Variants in DNAJB11 observed in about 807,000 individuals in gnomAD.
The protein encoded by DNAJB11 is dnaJ homolog subfamily B member 11.
DNAJB11 carries 30 observed loss-of-function variants against 47.2 expected under a neutral mutation model. That is an observed-to-expected ratio of 0.64 (90% CI 0.48 to 0.86). The LOEUF (loss-of-function observed/expected upper bound fraction) is 0.86, where lower values mean the gene tolerates loss of function less well. DNAJB11 is among the 40% of genes least tolerant of loss of function. The probability of loss-of-function intolerance (pLI) is 0.00; values close to 1 mark genes in which losing one functional copy is unlikely to be tolerated. For synonymous variants in DNAJB11, 151 were observed against 159.9 expected, an observed-to-expected ratio of 0.94 and a Z score of 0.42; for missense variants, 357 against 440.2, an observed-to-expected ratio of 0.81 and a Z score of 1.69.
intron 9 of DNAJB11, 48 bp downstream of exon 9, chr3:186,584,637 G>T (rs779010961): frequency 2.7e-6 from 2 of 744,402 alleles, no homozygotes; most frequent in Non-Finnish European, 3.8e-6. Context: ...GTGTGTGTAT[G>T]TGTGTGTGTG....
Position 186,581,388 on chromosome 3 carries a change from T to C in DNAJB11, c.474T>C (p.Pro158=), listed in dbSNP as rs1259996548. The C allele has an allele frequency of 6.2e-7, 1 of 1,613,892 alleles. No homozygotes were observed. Among genetic ancestry groups the C allele is most frequent in the South Asian group, 1.1e-5 (1 of 91,080 alleles). ...CTTCCTAGGTAGTTAGAAACAAACC[T>C]GTGGCAAGGCAGGCTCCTGGCAAAC... ...GNFVEVVRNK[P]VARQAPGKRK... is the part of the protein sequence containing the mutation. The change falls in exon 5 of 10, where the codon CCT becomes CCC. Residue 158 remains proline (P), a synonymous_variant. Coordinates refer to ENST00000265028, the MANE Select transcript of DNAJB11 (RefSeq NM_016306.6).
intron 4 of DNAJB11, chr3:186,579,806 G>GC (rs1348025688): frequency 6.6e-6 from 1 of 152,210 alleles, no homozygotes; most frequent in African/African-American, 2.4e-5. Context: ...GTTCAAAACA[G>GC]CCCTCTATCT....
chr3:186,571,058 C>T (rs923768347), intron 1 of DNAJB11, 93 bp downstream of exon 1: 6 of 1,140,414 alleles, frequency 5.3e-6, no homozygotes, highest in Non-Finnish European at 7.4e-6. Context: ...GCCAGACTGA[C>T]GGAGTGGAGA....
At chr3:186,580,967 C>G (rs985033047) in intron 4 of DNAJB11, 1 of 154,370 alleles carries the variant, frequency 6.5e-6, no homozygotes, top group Admixed American at 6.5e-5. Context: ...TAGCCACATA[C>G]CAGGTTTTGA....
intron 7 of DNAJB11, among the ~76,000 whole-genome samples, chr3:186,583,295 G>A (rs1463177130): frequency 6.6e-6 from 1 of 152,150 alleles, no homozygotes; most frequent in South Asian, 2.1e-4. Context: ...TCAAAACAGG[G>A]TTCCCACCAG....
At chr3:186,571,095 G>A (rs184133456) in intron 1 of DNAJB11, 130 bp downstream of exon 1, 3 of 814,218 alleles carry the variant, frequency 3.7e-6, no homozygotes, top group Non-Finnish European at 5.7e-6. Context: ...TTGGCGGGGT[G>A]GCGGAGGAAG....
chr3:186,574,696 T>C (rs1715205042), intron 2 of DNAJB11, among the ~76,000 whole-genome samples: 1 of 152,200 alleles, frequency 6.6e-6, no homozygotes, highest in African/African-American at 2.4e-5. Context: ...ATATCTTAAA[T>C]GTTAATACAT....
chr3:186,573,246 C>A (rs535029488), intron 2 of DNAJB11, among the ~76,000 whole-genome samples: 1 of 152,000 alleles, frequency 6.6e-6, no homozygotes, highest in African/African-American at 2.4e-5. Context: ...AAGACACAAA[C>A]CTTGAAAGGA....
chr3:186,584,544 G>C lies in DNAJB11; in HGVS notation c.967G>C (p.Asp323His). Residue 323 changes from aspartate to histidine, a missense_variant, in exon 9 of 10, where the codon GAT (aspartate) becomes CAT (histidine). Asp to His is a moderately conservative substitution (Grantham distance 81). Coordinates refer to ENST00000265028, the MANE Select transcript of DNAJB11 (RefSeq NM_016306.6). ...NIKGSLIITF[D>H]VDFPKEQLTE... ...CAAGGGCTCTTTGATAATCACTTTT[G>C]ATGTGGATTTTCCAAAAGAACAGTT... 6.3e-7 allele frequency: 1 copy of C among 1,597,836 alleles called. No individual in the cohort carries two copies. Among genetic ancestry groups the C allele is most frequent in the Non-Finnish European group, 8.5e-7 (1 of 1,175,126 alleles).
At chr3:186,572,454 G>A (rs143950149) in intron 2 of DNAJB11, among the ~76,000 whole-genome samples, 3,800 of 152,206 alleles carry the variant, frequency 0.025, 69 homozygotes, top group Middle Eastern at 0.088. Context: ...CAGTTCTCCC[G>A]CCTCAGCCTC....
rs773267671 is a variant in DNAJB11, at chr3:186,583,908, G to A, written c.784G>A (p.Val262Met). 1 of 1,613,828 alleles carries A rather than the reference G, an allele frequency of 6.2e-7. No homozygotes were observed. Among genetic ancestry groups the A allele is most frequent in the Non-Finnish European group, 8.5e-7 (1 of 1,179,746 alleles). ...GAGAGGAGATGATTTGTACACAAAT[G>A]TGACAATCTCATTAGTTGAGTCACT... Reference protein sequence around the residue: ...ERRGDDLYTNVTISLVESLVG... With the variant: ...ERRGDDLYTNMTISLVESLVG... Residue 262 changes from valine to methionine, a missense_variant, in exon 8 of 10, where the codon GTG becomes ATG. Physicochemically the swap from Val to Met is conservative, Grantham distance 21 (BLOSUM62 1). Transcript: ENST00000265028.
At position 186,581,504 on chromosome 3, in the gene DNAJB11, C is replaced by T; in HGVS notation, c.590C>T (p.Pro197Leu). 1 of 1,611,390 alleles carries T rather than the reference C, an allele frequency of 6.2e-7. No homozygotes were observed. The highest frequency in any genetic ancestry group is 1.7e-4 in the Middle Eastern group (1 of 6,056). Reference protein sequence around the residue: ...MTQEVVCDECPNVKLVNEERT... With the variant: ...MTQEVVCDECLNVKLVNEERT... Reference sequence around the variant, plus strand: ...CAGGAGGTGGTCTGCGACGAATGCCCTAATGTCAAGTAAGTGAAAGCACCT... The same window carrying T: ...CAGGAGGTGGTCTGCGACGAATGCCTTAATGTCAAGTAAGTGAAAGCACCT... Residue 197 changes from proline (P) to leucine (L), a missense_variant, in exon 5 of 10, where the codon CCT becomes CTT. Pro to Leu is a moderately conservative substitution (Grantham distance 98, BLOSUM62 -3). Coordinates refer to ENST00000265028, the MANE Select transcript of DNAJB11 (RefSeq NM_016306.6).
At chr3:186,581,927 T>G (rs1715499347) in intron 5 of DNAJB11, 68 bp from the exon 6 acceptor site, 1 of 1,320,390 alleles carries the variant, frequency 7.6e-7, no homozygotes, top group African/African-American at 1.5e-5. Flanking sequence ...AGGTATAACT[T>G]TATCTATATC....
chr3:186,577,021 G>A (rs1386861604), intron 3 of DNAJB11, among the ~76,000 whole-genome samples: 1 of 152,114 alleles, frequency 6.6e-6, no homozygotes, highest in Non-Finnish European at 1.5e-5. Flanking sequence ...CACCTTTTTT[G>A]TTAATCTCAA....
rs11921733 is a variant in DNAJB11 at position 186,581,318 on chromosome 3, G to A, written c.457-53G>A. Reference sequence around the variant, plus strand: ...GCAGAGCCTTGATCAATTGAGGAAAGGAAAGGCTGTTTTACACAAGAGAGA... The same window carrying A: ...GCAGAGCCTTGATCAATTGAGGAAAAGAAAGGCTGTTTTACACAAGAGAGA... On this transcript the variant is annotated intron_variant, in intron 4 of 9. Transcript: ENST00000265028. 166,193 of 1,598,236 alleles carry A rather than the reference G, an allele frequency of 0.1. 10,503 individuals carry two copies. Among genetic ancestry groups the A allele is most frequent in the African/African-American group, 0.22 (16,693 of 74,348 alleles).
In DNAJB11 at chr3:186,579,334, C is replaced by T. The variant is rs189081842; in HGVS notation, c.456+1534C>T. On this transcript the variant is annotated intron_variant, in intron 4 of 9. Coordinates refer to ENST00000265028, the MANE Select transcript of DNAJB11 (RefSeq NM_016306.6). ...GAGGTACCTCATTTTGATCTCCCAG[C>T]TTACTACTTCAGTCTTCAGCTATAT... 2.6e-5 allele frequency: 4 copies of T among 152,298 alleles called. No homozygotes were observed. In the East Asian group the frequency reaches 7.7e-4, roughly 29 times the overall value. The allele number at this position is 152,298 out of a possible 1,614,324, so 9.4% of individuals were successfully genotyped here. A position where few individuals can be genotyped will look rare whatever the true frequency, so the allele number is the denominator to read the frequency against.
chr3:186,581,529 T>C lies in DNAJB11; in HGVS notation c.599+16T>C. 1.2e-6 allele frequency: 2 copies of C among 1,610,042 alleles called. No individual in the cohort carries two copies. Among genetic ancestry groups the C allele is most frequent in the Non-Finnish European group, 1.7e-6 (2 of 1,178,184 alleles). On this transcript the variant is annotated intron_variant, in intron 5 of 9. Transcript: ENST00000265028. ...CTAATGTCAAGTAAGTGAAAGCACC[T>C]TCTTTGTTCTACCAAGAAACACTTG...
Position 186,581,988 on chromosome 3 carries a change from A to T in DNAJB11, c.600-7A>T, listed in dbSNP as rs371152451. The T allele has an allele frequency of 4.4e-6, 7 of 1,608,708 alleles. No homozygotes were observed. The highest frequency in any genetic ancestry group is 4.0e-5 in the African/African-American group (3 of 74,694). ...TTTTTCTCCTCTTTTAATTCTCTTT[A>T]CCTCAGACTAGTGAATGAAGAACGA... On this transcript the variant is annotated splice_polypyrimidine_tract_variant and splice_region_variant and intron_variant, in intron 5 of 9. Transcript: ENST00000265028.
intron 4 of DNAJB11, 117 bp from the exon 5 acceptor site, chr3:186,581,254 G>T: frequency 8.5e-7 from 1 of 1,177,852 alleles, no homozygotes; most frequent in Admixed American, 2.3e-5. Context: ...CTGAGGGATA[G>T]ATTGCCAGAG....
Sources: allele counts gnomAD v4.1 joint callset (sites outside exome capture counted in the v4.1 genomes callset), GRCh38; gene constraint gnomAD v4.1.1; transcripts MANE v1.5; gene names NCBI Gene and HGNC (gene_info 2026-07-23, HGNC 2026-07-21).